The following UNC13C variants were observed in gnomAD, a reference collection of about 807,000 sequenced individuals.
UNC13C encodes unc-13 homolog C.
Under a neutral mutation model 245.4 loss-of-function variants are expected in UNC13C, and 174 were observed. The ratio of observed to expected loss-of-function variants is 0.71; its 90% CI spans 0.63 to 0.80. UNC13C has a LOEUF of 0.80. UNC13C is among the 30% of genes least tolerant of loss of function. The probability of loss-of-function intolerance (pLI) is 0.00; values close to 1 mark genes in which losing one functional copy is unlikely to be tolerated. For missense variants in UNC13C, 2,829 were observed against 2,602.9 expected (o/e 1.09, Z -1.89); for synonymous variants, 992 against 895.1 (o/e 1.11, Z -1.93).
intron 19 of UNC13C, among the ~76,000 whole-genome samples, chr15:54,448,229 G>A (rs914864560): frequency 6.6e-6 from 1 of 152,196 alleles, no homozygotes; most frequent in African/African-American, 2.4e-5. Flanking sequence ...GCGGTGTGGT[G>A]CTGAGAAGAA....
At chr15:54,253,929 C>T (rs2036216479) in intron 8 of UNC13C, among the ~76,000 whole-genome samples, 1 of 152,228 alleles carries the variant, frequency 6.6e-6, no homozygotes, top group Non-Finnish European at 1.5e-5. Context: ...ACTGAATAAG[C>T]ATTCTGCCTA....
At chr15:54,384,998 A>C (rs1409479717) in intron 17 of UNC13C, among the ~76,000 whole-genome samples, 1 of 152,130 alleles carries the variant, frequency 6.6e-6, no homozygotes, top group East Asian at 1.9e-4. Context: ...TAATTTTTAA[A>C]AGACAAAAAA....
chr15:54,167,273 C>A lies in UNC13C; in HGVS notation c.3071+23589C>A, dbSNP rs188765524. On this transcript the variant is annotated intron_variant, in intron 4 of 32. Coordinates refer to ENST00000260323, the MANE Select transcript of UNC13C (RefSeq NM_001080534.3). ...ATCCCAGCACGTTGGGAGGCCGAGG[C>A]AGGCGGATCACGAGGTCAGGAGATC... Among the ~76,000 whole-genome samples, 158 of 152,074 alleles carry A rather than the reference C, an allele frequency of 1.0e-3. 1 individual carries two copies. Among genetic ancestry groups the A allele is most frequent in the African/African-American group, 3.7e-3 (153 of 41,512 alleles).
At position 54,242,276 on chromosome 15, in the gene UNC13C, G is replaced by C. The variant is rs75809166; in HGVS notation, c.3228+4586G>C. 6.1e-3 allele frequency among the ~76,000 whole-genome samples: 926 copies of C among 152,060 alleles called. 5 individuals are homozygous for C. The highest frequency in any genetic ancestry group is 0.04 in the East Asian group (208 of 5,170). On this transcript the variant is annotated intron_variant, in intron 7 of 32. Coordinates refer to ENST00000260323, the MANE Select transcript of UNC13C (RefSeq NM_001080534.3). ...TGTCCTCCAAAACCACCTGAATATG[G>C]TACTTATTTTGAGAGTAATTTTTTG...
chr15:54,323,820 C>T (rs886173407), intron 14 of UNC13C, among the ~76,000 whole-genome samples: 1 of 152,048 alleles, frequency 6.6e-6, no homozygotes, highest in Non-Finnish European at 1.5e-5. Flanking sequence ...AATTGTTTTG[C>T]TTCTAATATT....
intron 14 of UNC13C, among the ~76,000 whole-genome samples, chr15:54,328,579 GAGAA>G (rs548471238): frequency 1.3e-5 from 2 of 152,016 alleles, no homozygotes; most frequent in African/African-American, 2.4e-5. Flanking sequence ...GCCAGACTTT[GAGAA>G]AGAAAGAAAG....
At chr15:54,393,249 C>T (rs1001987969) in intron 18 of UNC13C, 68 bp downstream of exon 18, 101 of 1,343,948 alleles carry the variant, frequency 7.5e-5, no homozygotes, top group African/African-American at 2.2e-4. Flanking sequence ...ATATTTTAAG[C>T]GCAACATATA....
chr15:54,626,130 T>C (rs1901125664), intron 32 of UNC13C, among the ~76,000 whole-genome samples: 1 of 151,052 alleles, frequency 6.6e-6, no homozygotes, highest in Admixed American at 6.6e-5. Flanking sequence ...AAATAAGGGG[T>C]GGAGGAAGAC....
chr15:54,231,057 T>C (rs2035537247), intron 4 of UNC13C, among the ~76,000 whole-genome samples: 1 of 152,046 alleles, frequency 6.6e-6, no homozygotes, highest in African/African-American at 2.4e-5. Context: ...AATAAGTCTT[T>C]ATTCCTAAGA....
intron 24 of UNC13C, among the ~76,000 whole-genome samples, chr15:54,515,902 T>C (rs565843884): frequency 9.8e-5 from 15 of 152,298 alleles, no homozygotes; most frequent in Admixed American, 2.6e-4. Context: ...GTGGTAAAAT[T>C]TCCCATGAGA....
At chr15:54,352,083 T>G (rs1458739710) in intron 17 of UNC13C, among the ~76,000 whole-genome samples, 2 of 151,676 alleles carry the variant, frequency 1.3e-5, no homozygotes, top group Admixed American at 1.3e-4. Flanking sequence ...ATTGAAATCT[T>G]GGGGTGAAAG....
chr15:54,582,898 A>C (rs1377225492), intron 30 of UNC13C, among the ~76,000 whole-genome samples: 1 of 152,200 alleles, frequency 6.6e-6, no homozygotes, highest in Non-Finnish European at 1.5e-5. Context: ...GGCCATTTAT[A>C]TTACTTAAGT....
At chr15:54,488,442 G>A (rs1893537755) in intron 19 of UNC13C, among the ~76,000 whole-genome samples, 1 of 152,120 alleles carries the variant, frequency 6.6e-6, no homozygotes, top group Non-Finnish European at 1.5e-5. Flanking sequence ...ACAAACTATA[G>A]GATAAAGCAG....
At chr15:54,491,153 T>C (rs905102343) in intron 19 of UNC13C, among the ~76,000 whole-genome samples, 1 of 152,204 alleles carries the variant, frequency 6.6e-6, no homozygotes. Context: ...TGGTAGTAAA[T>C]GAAACTGAGT....
At chr15:53,858,460 G>A in the UNC13C span, among the ~76,000 whole-genome samples, 10 of 149,522 alleles carry the variant, frequency 6.7e-5, no homozygotes, top group East Asian at 2.0e-4. Flanking sequence ...TCGCTCTGTC[G>A]CCCAGGTTGG....
intron 31 of UNC13C, 64 bp downstream of exon 31, chr15:54,622,483 G>A (rs1900857869): frequency 8.3e-7 from 1 of 1,206,646 alleles, no homozygotes; most frequent in Non-Finnish European, 1.2e-6. Flanking sequence ...ACTGATATCA[G>A]CAATGTAACT....
chr15:54,034,833 T>G (rs1020629571), intron 2 of UNC13C, among the ~76,000 whole-genome samples: 9 of 152,214 alleles, frequency 5.9e-5, no homozygotes, highest in African/African-American at 2.2e-4. Context: ...TTTGTTTCAC[T>G]GTATCTATCA....
At chr15:54,187,205 A>G (rs527540800) in intron 4 of UNC13C, among the ~76,000 whole-genome samples, 2 of 152,256 alleles carry the variant, frequency 1.3e-5, no homozygotes, top group East Asian at 1.9e-4. Context: ...AAAATATAAT[A>G]TCTCCTGAAT....
the UNC13C span, among the ~76,000 whole-genome samples, chr15:53,917,401 A>G: frequency 6.6e-6 from 1 of 152,348 alleles, no homozygotes; most frequent in African/African-American, 2.4e-5. Flanking sequence ...CGAAAAAAAG[A>G]AAAGGAAAAA....
Sources: allele counts gnomAD v4.1 joint callset (sites outside exome capture counted in the v4.1 genomes callset), GRCh38; gene constraint gnomAD v4.1.1; transcripts MANE v1.5; gene names NCBI Gene and HGNC (gene_info 2026-07-23, HGNC 2026-07-21).